Variants in SETBP1 observed in about 807,000 individuals in gnomAD.
The protein encoded by SETBP1 is SET binding protein 1, also known as SET-binding protein.
Under a neutral mutation model 101.0 loss-of-function variants are expected in SETBP1, and 9 were observed. The ratio of observed to expected loss-of-function variants is 0.09; its 90% CI spans 0.05 to 0.16. SETBP1 has a LOEUF of 0.16. Ranked by LOEUF, SETBP1 falls within the 10% of genes least tolerant of loss-of-function variation. SETBP1 has a pLI of 1.00. For synonymous variants in SETBP1, 818 were observed against 788.5 expected, an observed-to-expected ratio of 1.04 and a Z score of -0.63; for missense variants, 1,858 against 2,033.8, an observed-to-expected ratio of 0.91 and a Z score of 1.66.
intron 4 of SETBP1, chr18:44,987,118 A>G (rs2072258063): frequency 6.6e-6 from 1 of 152,206 alleles, no homozygotes; most frequent in Non-Finnish European, 1.5e-5. Context: ...AATAGCCTCT[A>G]TGATATTGTA....
At chr18:44,876,990 C>G in intron 3 of SETBP1, 1 of 1,224,028 alleles carries the variant, frequency 8.2e-7, no homozygotes, top group Non-Finnish European at 1.0e-6. Context: ...CATTCACTGT[C>G]TTCCAGGGCA....
At chr18:44,882,503 CT>C (rs79656454) in intron 3 of SETBP1, among the ~76,000 whole-genome samples, 1,747 of 143,624 alleles carry the variant, frequency 0.012, 8 homozygotes, top group Non-Finnish European at 0.015. Context: ...ACCTTTGTGT[CT>C]TTTTTTTTTT....
intron 2 of SETBP1, among the ~76,000 whole-genome samples, chr18:44,705,057 A>G (rs1219758924): frequency 6.6e-6 from 1 of 152,180 alleles, no homozygotes; most frequent in African/African-American, 2.4e-5. Context: ...GAGTCATCTG[A>G]ATATATGTGC....
At position 44,950,326 on chromosome 18, in the gene SETBP1, C is replaced by T; in HGVS notation, c.986C>T (p.Pro329Leu). 6.2e-7 allele frequency: 1 copy of T among 1,614,048 alleles called. No homozygotes were observed. Residue 329 changes from proline (P) to leucine (L), a missense_variant, in exon 4 of 6, where the codon CCT (proline) becomes CTT (leucine). Transcript: ENST00000649279. ...GGTACAAAGGAGCCCCCAGAACCAC[C>T]TACGGTGGGCAGCAAGAAAAAGTCC... is the stretch of plus-strand genomic sequence containing the variant. Reference protein sequence around the residue: ...GGGTKEPPEPPTVGSKKKSSK... With the variant: ...GGGTKEPPEPLTVGSKKKSSK...
At chr18:44,780,210 G>A (rs762670116) in intron 2 of SETBP1, among the ~76,000 whole-genome samples, 1 of 152,072 alleles carries the variant, frequency 6.6e-6, no homozygotes, top group Non-Finnish European at 1.5e-5. Context: ...AAATCCCCAA[G>A]GTTCCAGAAA....
chr18:44,805,800 A>G (rs1238764805), intron 2 of SETBP1, among the ~76,000 whole-genome samples: 2 of 152,180 alleles, frequency 1.3e-5, no homozygotes, highest in Non-Finnish European at 2.9e-5. Flanking sequence ...GGGCATCCAA[A>G]GAGAGCTTGG....
intron 4 of SETBP1, among the ~76,000 whole-genome samples, chr18:45,037,204 C>T (rs2073414938): frequency 6.6e-6 from 1 of 152,112 alleles, no homozygotes; most frequent in Non-Finnish European, 1.5e-5. Context: ...GATGAAGAAA[C>T]TGAATAGGTA....
At chr18:44,719,932 CAT>C (rs1457025261) in intron 2 of SETBP1, among the ~76,000 whole-genome samples, 2 of 152,184 alleles carry the variant, frequency 1.3e-5, no homozygotes, top group Admixed American at 6.5e-5. Flanking sequence ...GGAGGACAAA[CAT>C]GTGAGAAGAT....
intron 2 of SETBP1, among the ~76,000 whole-genome samples, chr18:44,802,730 G>A (rs1267088311): frequency 6.6e-6 from 1 of 152,110 alleles, no homozygotes; most frequent in African/African-American, 2.4e-5. Flanking sequence ...TATCCAGAAC[G>A]ATGACTCATA....
chr18:44,884,884 G>A (rs1252919414), intron 3 of SETBP1, among the ~76,000 whole-genome samples: 3 of 152,054 alleles, frequency 2.0e-5, no homozygotes, highest in African/African-American at 7.2e-5. Context: ...CATAAAATAT[G>A]CATCTCTTAT....
intron 1 of SETBP1, among the ~76,000 whole-genome samples, chr18:44,691,824 G>A (rs754017677): frequency 2.0e-5 from 3 of 152,200 alleles, no homozygotes; most frequent in Non-Finnish European, 2.9e-5. Context: ...GAATGTCAGA[G>A]CTGGAAGGGG....
At chr18:44,984,733 G>A (rs2072191739) in intron 4 of SETBP1, among the ~76,000 whole-genome samples, 2 of 152,174 alleles carry the variant, frequency 1.3e-5, no homozygotes, top group African/African-American at 4.8e-5. Context: ...ACTATGAGTT[G>A]GTTGGTTATC....
At chr18:44,853,401 A>C (rs1864432593) in intron 2 of SETBP1, among the ~76,000 whole-genome samples, 1 of 152,112 alleles carries the variant, frequency 6.6e-6, no homozygotes, top group African/African-American at 2.4e-5. Flanking sequence ...ATACCCCTTA[A>C]AGATATCACA....
chr18:44,838,640 C>A (rs1032676699), intron 2 of SETBP1, among the ~76,000 whole-genome samples: 1 of 152,162 alleles, frequency 6.6e-6, no homozygotes, highest in Non-Finnish European at 1.5e-5. Flanking sequence ...TGCTTATTGC[C>A]GCTAAGAGAA....
intron 1 of SETBP1, among the ~76,000 whole-genome samples, chr18:44,688,609 T>C (rs2068876790): frequency 6.6e-6 from 1 of 151,916 alleles, no homozygotes; most frequent in Non-Finnish European, 1.5e-5. Flanking sequence ...CCCGCCACCA[T>C]GCCCAGCTAA....
chr18:44,754,532 C>A (rs1159941286), intron 2 of SETBP1, among the ~76,000 whole-genome samples: 1 of 152,010 alleles, frequency 6.6e-6, no homozygotes, highest in Non-Finnish European at 1.5e-5. Context: ...TAGAATAGGC[C>A]AGGGTTAAGT....
intron 3 of SETBP1, among the ~76,000 whole-genome samples, chr18:44,931,546 G>T (rs149384713): frequency 0.014 from 2,142 of 152,242 alleles, 40 homozygotes; most frequent in African/African-American, 0.049. Flanking sequence ...GGGTGTTAAA[G>T]TCTCCTATTT....
chr18:44,811,892 G>A (rs1442553298), intron 2 of SETBP1, among the ~76,000 whole-genome samples: 1 of 152,194 alleles, frequency 6.6e-6, no homozygotes, highest in Non-Finnish European at 1.5e-5. Flanking sequence ...GGAGGCAGTT[G>A]GCTTTTCATG....
intron 2 of SETBP1, among the ~76,000 whole-genome samples, chr18:44,776,683 A>C (rs947226670): frequency 6.6e-6 from 1 of 152,226 alleles, no homozygotes; most frequent in Non-Finnish European, 1.5e-5. Context: ...TTAGCCACAA[A>C]AAAATAGTAA....
Sources: allele counts gnomAD v4.1 joint callset (sites outside exome capture counted in the v4.1 genomes callset), GRCh38; gene constraint gnomAD v4.1.1; transcripts MANE v1.5; gene names NCBI Gene and HGNC (gene_info 2026-07-23, HGNC 2026-07-21).